MGAT4C: variants seen among roughly 807,000 people sequenced by gnomAD.
MGAT4C encodes alpha-1,3-mannosyl-glycoprotein 4-beta-N-acetylglucosaminyltransferase C.
Under a neutral mutation model 40.1 loss-of-function variants are expected in MGAT4C, and 19 were observed. The observed-to-expected ratio is 0.47, with a 90% CI of 0.33 to 0.70. The LOEUF (loss-of-function observed/expected upper bound fraction) is 0.70. MGAT4C is among the 30% of genes least tolerant of loss of function. MGAT4C has a pLI of 0.02. For synonymous variants in MGAT4C, 181 were observed against 187.1 expected (o/e 0.97, Z 0.27); for missense variants, 491 against 563.2 (o/e 0.87, Z 1.30).
intron 3 of MGAT4C, among the ~76,000 whole-genome samples, chr12:86,419,614 A>C (rs142043391): frequency 2.0e-5 from 3 of 152,284 alleles, no homozygotes; most frequent in African/African-American, 7.2e-5. Context: ...AATCTTCTGA[A>C]GGGAGTAAAA....
At chr12:86,541,135 A>G (rs1821165975) in intron 2 of MGAT4C, among the ~76,000 whole-genome samples, 1 of 152,236 alleles carries the variant, frequency 6.6e-6, no homozygotes, top group Non-Finnish European at 1.5e-5. Context: ...GTAAAGTAAG[A>G]TAAATATACA....
chr12:86,606,658 C>A (rs1405526684), intron 2 of MGAT4C, among the ~76,000 whole-genome samples: 2 of 151,998 alleles, frequency 1.3e-5, no homozygotes, highest in African/African-American at 2.4e-5. Context: ...TGAATGCCCA[C>A]CTCAAAAAGA....
At chr12:86,116,678 A>G (rs1280353568) in intron 1 of MGAT4C, among the ~76,000 whole-genome samples, 5 of 152,124 alleles carry the variant, frequency 3.3e-5, no homozygotes, top group Admixed American at 3.3e-4. Flanking sequence ...TCATGGGAAA[A>G]TAAGTATCTG....
chr12:86,814,112 G>A (rs557388287), intron 1 of MGAT4C, among the ~76,000 whole-genome samples: 59 of 151,654 alleles, frequency 3.9e-4, no homozygotes, highest in Non-Finnish European at 7.4e-4. Context: ...GGGTTTCACC[G>A]TGTTGCCCAG....
chr12:86,161,012 G>C (rs186369526), intron 1 of MGAT4C, among the ~76,000 whole-genome samples: 1 of 151,832 alleles, frequency 6.6e-6, no homozygotes, highest in African/African-American at 2.4e-5. Flanking sequence ...GCAGAGTCAA[G>C]ACAAATAAAT....
At chr12:86,008,495 T>C (rs1404083781) in intron 2 of MGAT4C, among the ~76,000 whole-genome samples, 2 of 152,150 alleles carry the variant, frequency 1.3e-5, no homozygotes, top group Non-Finnish European at 2.9e-5. Context: ...CCTTGGATCC[T>C]GTGACCTTGT....
At chr12:86,815,336 CA>C (rs1271371249) in intron 1 of MGAT4C, among the ~76,000 whole-genome samples, 1 of 151,752 alleles carries the variant, frequency 6.6e-6, no homozygotes, top group Non-Finnish European at 1.5e-5. Context: ...AATCAAAAAA[CA>C]AAAAACAGTA....
intron 1 of MGAT4C, among the ~76,000 whole-genome samples, chr12:86,743,027 GTA>G (rs1301100213): frequency 1.4e-5 from 2 of 145,372 alleles, no homozygotes; most frequent in East Asian, 4.0e-4. Context: ...ATGCATGTGT[GTA>G]TGTGTATGTG....
At chr12:86,400,286 C>A (rs905624245) in intron 3 of MGAT4C, among the ~76,000 whole-genome samples, 1 of 152,154 alleles carries the variant, frequency 6.6e-6, no homozygotes, top group Non-Finnish European at 1.5e-5. Flanking sequence ...GCATGAATAG[C>A]CTTCCAGTTG....
chr12:86,483,962 C>G (rs1957977252), intron 2 of MGAT4C, among the ~76,000 whole-genome samples: 1 of 151,462 alleles, frequency 6.6e-6, no homozygotes. Context: ...AAGGTAAACA[C>G]TGTGGCTAAA....
chr12:86,486,523 C>G (rs924037040), intron 2 of MGAT4C, among the ~76,000 whole-genome samples: 3 of 151,962 alleles, frequency 2.0e-5, no homozygotes, highest in African/African-American at 7.2e-5. Context: ...AATAAGAAGA[C>G]TTAACTATCC....
At chr12:86,480,392 C>T (rs1429454769) in intron 2 of MGAT4C, among the ~76,000 whole-genome samples, 1 of 151,400 alleles carries the variant, frequency 6.6e-6, no homozygotes. Flanking sequence ...CATATGCATA[C>T]ATGTGTACAT....
chr12:86,133,538 A>C (rs1306644935), intron 1 of MGAT4C, among the ~76,000 whole-genome samples: 1 of 152,192 alleles, frequency 6.6e-6, no homozygotes, highest in Non-Finnish European at 1.5e-5. Context: ...AAAAGCTCTA[A>C]ATACAATCAG....
At chr12:86,451,001 A>G (rs892816250) in intron 2 of MGAT4C, among the ~76,000 whole-genome samples, 2 of 152,104 alleles carry the variant, frequency 1.3e-5, no homozygotes, top group African/African-American at 2.4e-5. Flanking sequence ...TGAGTCAGCT[A>G]TATCAGTCTT....
At chr12:86,032,130 T>C (rs987286392) in intron 2 of MGAT4C, among the ~76,000 whole-genome samples, 2 of 152,006 alleles carry the variant, frequency 1.3e-5, no homozygotes, top group Non-Finnish European at 2.9e-5. Context: ...GATCCTGTGG[T>C]ATATATCTAC....
intron 1 of MGAT4C, among the ~76,000 whole-genome samples, chr12:86,175,755 T>C (rs1456917008): frequency 1.6e-5 from 2 of 126,952 alleles, no homozygotes; most frequent in African/African-American, 6.2e-5. Context: ...ATTGAGACCA[T>C]CCTGGCTAAC....
At chr12:86,013,457 A>C (rs1001404824) in intron 2 of MGAT4C, among the ~76,000 whole-genome samples, 1 of 152,110 alleles carries the variant, frequency 6.6e-6, no homozygotes, top group African/African-American at 2.4e-5. Flanking sequence ...CTTTCACTCT[A>C]TACTTCCCCT....
intron 4 of MGAT4C, among the ~76,000 whole-genome samples, chr12:86,310,767 C>CA (rs1592681116): frequency 1.3e-5 from 2 of 151,810 alleles, no homozygotes; most frequent in East Asian, 1.9e-4. Context: ...GCTAAAAATA[C>CA]AAAAAAATTA....
chr12:86,007,495 T>C (rs1170101960), intron 2 of MGAT4C, among the ~76,000 whole-genome samples: 1 of 152,138 alleles, frequency 6.6e-6, no homozygotes, highest in African/African-American at 2.4e-5. Flanking sequence ...TGGGCTCATA[T>C]GTTAATTATA....
Sources: allele counts gnomAD v4.1 joint callset (sites outside exome capture counted in the v4.1 genomes callset), GRCh38; gene constraint gnomAD v4.1.1; transcripts MANE v1.5; gene names NCBI Gene and HGNC (gene_info 2026-07-23, HGNC 2026-07-21).